SLC41A3: variants seen among roughly 807,000 people sequenced by gnomAD.
The protein encoded by SLC41A3 is SLC41A1-like 2.
SLC41A3 carries 44 observed loss-of-function variants against 45.4 expected under a neutral mutation model. The ratio of observed to expected loss-of-function variants is 0.97; its 90% CI spans 0.76 to 1.25. The LOEUF is 1.25. Among genes scored for constraint, SLC41A3 ranks in the 50% most tolerant of loss-of-function variants. SLC41A3 has a pLI of 0.00. For missense variants in SLC41A3, 550 were observed against 600.6 expected, an observed-to-expected ratio of 0.92 and a Z score of 0.88; for synonymous variants, 256 against 252.4, an observed-to-expected ratio of 1.01 and a Z score of -0.13.
At chr3:126,055,962 T>A (rs1345915450) in intron 2 of SLC41A3, among the ~76,000 whole-genome samples, 1 of 152,004 alleles carries the variant, frequency 6.6e-6, no homozygotes, top group East Asian at 1.9e-4. Flanking sequence ...TTCTGTGAGG[T>A]GAGGGCTTTC....
At chr3:126,063,250 G>A (rs1403628997) in intron 2 of SLC41A3, among the ~76,000 whole-genome samples, 1 of 152,140 alleles carries the variant, frequency 6.6e-6, no homozygotes, top group Non-Finnish European at 1.5e-5. Context: ...AGGAGGGGTG[G>A]TCTCCCCTGT....
upstream of SLC41A3, among the ~76,000 whole-genome samples, chr3:126,086,727 C>A (rs1945402937): frequency 6.6e-6 from 1 of 151,812 alleles, no homozygotes; most frequent in African/African-American, 2.4e-5. Flanking sequence ...TGACAACTGC[C>A]CAGGGTGATG....
At chr3:126,020,772 A>G (rs1940780605) in intron 6 of SLC41A3, among the ~76,000 whole-genome samples, 1 of 152,192 alleles carries the variant, frequency 6.6e-6, no homozygotes, top group Non-Finnish European at 1.5e-5. Flanking sequence ...CTCTCTGCAA[A>G]TAACAACTGT....
intron 6 of SLC41A3, among the ~76,000 whole-genome samples, chr3:126,018,970 G>A (rs1428787610): frequency 1.3e-5 from 2 of 152,188 alleles, no homozygotes; most frequent in East Asian, 3.8e-4. Context: ...GGGAATAATG[G>A]CTGATTTGAA....
At chr3:126,047,871 A>G (rs1407371647) in intron 3 of SLC41A3, among the ~76,000 whole-genome samples, 1 of 152,236 alleles carries the variant, frequency 6.6e-6, no homozygotes, top group Non-Finnish European at 1.5e-5. Flanking sequence ...CACAGGTGAC[A>G]AAAGCAAAAA....
chr3:126,016,752 A>C lies in SLC41A3; in HGVS notation c.869T>G (p.Ile290Ser). 6.2e-7 allele frequency: 1 copy of C among 1,611,530 alleles called. No homozygotes were observed. Among genetic ancestry groups the C allele is most frequent in the Non-Finnish European group, 8.5e-7 (1 of 1,179,116 alleles). The change falls in exon 7 of 11, where the codon ATC becomes AGC. Residue 290 changes from isoleucine to serine, a missense_variant. Ile to Ser is a moderately radical substitution (Grantham distance 142, BLOSUM62 -2). Transcript: ENST00000360370. ...TCACCTGCTGATGACCATGGCCAGG[A>C]TGATTGGGAACCAGCCAAACTTCAG... ...KILKFGWFPI[I>S]LAMVISSFGG...
chr3:126,063,736 G>A (rs552350810), intron 2 of SLC41A3, among the ~76,000 whole-genome samples: 13 of 152,288 alleles, frequency 8.5e-5, no homozygotes, highest in African/African-American at 2.2e-4. Context: ...CATGGCCGAC[G>A]GTGGCCAAGG....
chr3:126,079,367 T>C (rs1945042649), intron 1 of SLC41A3, among the ~76,000 whole-genome samples: 1 of 152,028 alleles, frequency 6.6e-6, no homozygotes, highest in African/African-American at 2.4e-5. Flanking sequence ...GTTTAAATAT[T>C]CTGTAGGACA....
At chr3:126,070,792 C>T (rs1210861534) in intron 1 of SLC41A3, among the ~76,000 whole-genome samples, 2 of 151,988 alleles carry the variant, frequency 1.3e-5, no homozygotes, top group Admixed American at 6.6e-5. Context: ...AGAATCCACA[C>T]AGAGGAAGGA....
chr3:126,032,735 C>T (rs997564154), intron 4 of SLC41A3, among the ~76,000 whole-genome samples: 13 of 152,166 alleles, frequency 8.5e-5, no homozygotes, highest in African/African-American at 3.1e-4. Context: ...GTTAGATGTA[C>T]TGGTTCTGGA....
chr3:126,049,636 G>A (rs569910304), intron 3 of SLC41A3, among the ~76,000 whole-genome samples: 22 of 152,312 alleles, frequency 1.4e-4, no homozygotes, highest in Non-Finnish European at 2.9e-4. Flanking sequence ...GTGTGCATGT[G>A]TGTAGCTGTA....
chr3:126,084,371 C>T (rs1467699256), upstream of SLC41A3: 1 of 152,184 alleles, frequency 6.6e-6, no homozygotes, highest in African/African-American at 2.4e-5. Flanking sequence ...AGCTGGGGCC[C>T]CACTGGCGCC....
intron 3 of SLC41A3, among the ~76,000 whole-genome samples, chr3:126,042,039 C>A (rs1438106138): frequency 6.6e-6 from 1 of 152,184 alleles, no homozygotes; most frequent in Non-Finnish European, 1.5e-5. Flanking sequence ...AGGAATAGAA[C>A]CTGCTGGCTA....
intron 3 of SLC41A3, among the ~76,000 whole-genome samples, chr3:126,049,899 T>C (rs1943210536): frequency 6.6e-6 from 1 of 152,228 alleles, no homozygotes; most frequent in Admixed American, 6.5e-5. Context: ...CTCCATCTCT[T>C]GGCTCATGGC....
intron 3 of SLC41A3, among the ~76,000 whole-genome samples, chr3:126,050,053 T>C (rs1943224304): frequency 6.6e-6 from 1 of 152,198 alleles, no homozygotes; most frequent in African/African-American, 2.4e-5. Context: ...ATCTGTATAA[T>C]CCAGGACAAT....
chr3:126,042,192 A>G (rs973419398), intron 3 of SLC41A3, among the ~76,000 whole-genome samples: 3 of 152,224 alleles, frequency 2.0e-5, no homozygotes, highest in Non-Finnish European at 4.4e-5. Flanking sequence ...GAGGAAATGT[A>G]GGCCCATGCG....
At chr3:126,097,507 C>T (rs550460434) in intron 1 of SLC41A3, among the ~76,000 whole-genome samples, 62 of 152,290 alleles carry the variant, frequency 4.1e-4, no homozygotes, top group African/African-American at 1.4e-3. Context: ...TCATGCCTAA[C>T]TATCTGTAAC....
At chr3:126,044,895 CAAA>C (rs57581225) in intron 3 of SLC41A3, among the ~76,000 whole-genome samples, 12 of 82,720 alleles carry the variant, frequency 1.5e-4, no homozygotes, top group African/African-American at 4.8e-4. Flanking sequence ...GACTCCATCT[CAAA>C]AAAAAAAAAA....
At chr3:126,091,735 C>T (rs186333740) in intron 1 of SLC41A3, among the ~76,000 whole-genome samples, 1 of 152,302 alleles carries the variant, frequency 6.6e-6, no homozygotes, top group East Asian at 1.9e-4. Flanking sequence ...ATGTAGATTT[C>T]CTCACTAGAG....
Sources: allele counts gnomAD v4.1 joint callset (sites outside exome capture counted in the v4.1 genomes callset), GRCh38; gene constraint gnomAD v4.1.1; transcripts MANE v1.5; gene names NCBI Gene and HGNC (gene_info 2026-07-23, HGNC 2026-07-21).